The following CASZ1 variants were observed in gnomAD, a reference collection of about 807,000 sequenced individuals.
The protein encoded by CASZ1 is zinc finger protein castor homolog 1.
A neutral mutation model predicts 135.2 loss-of-function variants in CASZ1; 28 were observed. That is an observed-to-expected ratio of 0.21 (90% CI 0.15 to 0.28). The LOEUF is 0.28. Among genes scored for constraint, CASZ1 ranks in the 10% least tolerant of loss-of-function variants. CASZ1 has a pLI of 1.00. For synonymous variants in CASZ1, 1,068 were observed against 1,073.4 expected (o/e 0.99, Z 0.10); for missense variants, 2,161 against 2,453.3 (o/e 0.88, Z 2.52).
chr1:10,733,560 G>A (rs1015708466), intron 2 of CASZ1, among the ~76,000 whole-genome samples: 1 of 152,272 alleles, frequency 6.6e-6, no homozygotes, highest in Middle Eastern at 3.4e-3. Flanking sequence ...TGCTCTCAGA[G>A]GTGAGCAGAG....
At position 10,659,971 on chromosome 1, in the gene CASZ1, G is replaced by A. The variant is rs752911767; in HGVS notation, c.1071C>T (p.Pro357=). The A allele has an allele frequency of 8.1e-6, 13 of 1,613,410 alleles. No homozygotes were observed. In the East Asian group the frequency reaches 1.6e-4, roughly 19 times the overall value. The change falls in exon 6 of 21, where the codon CCC becomes CCT. Residue 357 remains proline, a synonymous_variant. Transcript: ENST00000377022. ...TGAAGGCGATGGCCCCGCCCATGTC[G>A]GGGCTGCCCTCCCCGGGTTTGAAGA... ...LHLFKPGEGS[P]DMGGAIAFKT... is the part of the protein sequence containing the mutation.
At chr1:10,650,446 C>A in intron 13 of CASZ1, 1 of 384,664 alleles carries the variant, frequency 2.6e-6, no homozygotes, top group South Asian at 9.3e-5. Flanking sequence ...CTTTTGGAGC[C>A]CTCCATCTGA....
rs1354375567 is a variant in CASZ1 at position 10,638,168 on chromosome 1, T to C, written c.*774A>G. Reference sequence around the variant, plus strand: ...TTACAGGAAAAATACTGTACAACTTTCTTGTATTTTTTTCCATTTTGAACA... The same window carrying C: ...TTACAGGAAAAATACTGTACAACTTCCTTGTATTTTTTTCCATTTTGAACA... On this transcript the variant is annotated 3_prime_UTR_variant, in exon 21 of 21. Coordinates refer to ENST00000377022, the MANE Select transcript of CASZ1 (RefSeq NM_001079843.3). The surrounding 1 kb of genome is among the most constrained non-coding windows in gnomAD (Gnocchi z 5.9). 6.6e-6 allele frequency: 1 copy of C among 152,452 alleles called. No individual in the cohort carries two copies. Among genetic ancestry groups the C allele is most frequent in the Non-Finnish European group, 1.5e-5 (1 of 68,042 alleles). 9.4% of individuals were successfully genotyped at this position (152,452 alleles called of 1,614,324 possible).
intron 1 of CASZ1, among the ~76,000 whole-genome samples, chr1:10,796,179 G>T (rs535726936): frequency 2.4e-4 from 37 of 151,814 alleles, no homozygotes; most frequent in African/African-American, 8.2e-4. Context: ...CTGTGCTCGC[G>T]CCTGGCACCT....
intron 3 of CASZ1, among the ~76,000 whole-genome samples, chr1:10,696,755 C>A (rs1015631095): frequency 6.6e-6 from 1 of 152,228 alleles, no homozygotes; most frequent in Admixed American, 6.5e-5. Flanking sequence ...TGCTTGCATA[C>A]GTGACCCACA....
rs1197206168 is a variant in CASZ1 at position 10,762,061 on chromosome 1, C to A, written c.-233-1204G>T. Among the ~76,000 whole-genome samples, 1 of 152,214 alleles carries A rather than the reference C, an allele frequency of 6.6e-6. No homozygotes were observed. The highest frequency in any genetic ancestry group is 2.4e-5 in the African/African-American group (1 of 41,460). On this transcript the variant is annotated intron_variant, in intron 1 of 20. Transcript: ENST00000377022. This position sits in a 1 kb window ranked among gnomAD's most constrained non-coding sequence, Gnocchi z 4.1. ...TGCAGGTTCTCCAACTTGGCCCGGC[C>A]CTCAGAGTCCCCGGAGGCCTTGCAG...
intron 9 of CASZ1, 132 bp downstream of exon 9, chr1:10,655,517 G>C: frequency 1.1e-6 from 1 of 880,324 alleles, no homozygotes; most frequent in Admixed American, 2.7e-5. Flanking sequence ...CTGGGCCAGG[G>C]GAAAGAGAGG....
Position 10,638,996 on chromosome 1 carries a change from C to A in CASZ1, c.5226G>T (p.Ala1742=). 3 of 983,670 alleles carry A rather than the reference C, an allele frequency of 3.0e-6. No individual in the cohort carries two copies. The highest frequency in any genetic ancestry group is 3.6e-6 in the Non-Finnish European group (3 of 829,920). 60.9% of individuals were successfully genotyped at this position (983,670 alleles called of 1,614,324 possible). Residue 1742 remains alanine (A), a synonymous_variant, in exon 21 of 21, where the codon GCG becomes GCT. Coordinates refer to ENST00000377022, the MANE Select transcript of CASZ1 (RefSeq NM_001079843.3). The surrounding 1 kb of genome is among the most constrained non-coding windows in gnomAD (Gnocchi z 5.9). ...GAGARTPALA[A]LAALGAPGPA... is the part of the protein sequence containing the mutation. ...GGCCGGGGGCGCCCAGGGCCGCCAGCGCCGCCAAGGCCGGGGTCCGCGCGC... is the reference window on the plus strand; with the variant it reads ...GGCCGGGGGCGCCCAGGGCCGCCAGAGCCGCCAAGGCCGGGGTCCGCGCGC...
At chr1:10,748,641 C>G (rs1640093187) in intron 2 of CASZ1, among the ~76,000 whole-genome samples, 2 of 152,134 alleles carry the variant, frequency 1.3e-5, no homozygotes, top group African/African-American at 2.4e-5. Context: ...AGCTCCCCGA[C>G]CTGACCACTA....
intron 1 of CASZ1, among the ~76,000 whole-genome samples, chr1:10,780,174 T>G (rs1467119648): frequency 6.6e-6 from 1 of 152,222 alleles, no homozygotes; most frequent in African/African-American, 2.4e-5. Flanking sequence ...TTTTTATATC[T>G]GAATATCTCA....
In CASZ1 at chr1:10,670,495, A is replaced by T. The variant is rs1235825709; in HGVS notation, c.17-4924T>A. ...CCGAACTTGCAGCTCACAGGCCACAAGCCCCAGTTTTGGGGTGCTGTGCTG... is the reference window on the plus strand; with the variant it reads ...CCGAACTTGCAGCTCACAGGCCACATGCCCCAGTTTTGGGGTGCTGTGCTG... On this transcript the variant is annotated intron_variant, in intron 4 of 20. Transcript: ENST00000377022. Among the ~76,000 whole-genome samples the T allele has an allele frequency of 2.0e-5, 3 of 152,226 alleles. No homozygotes were observed. In the East Asian group the frequency reaches 5.8e-4, roughly 29 times the overall value.
intron 14 of CASZ1, 27 bp downstream of exon 14, chr1:10,649,256 G>A (rs1238151316): frequency 1.2e-6 from 2 of 1,604,300 alleles, no homozygotes; most frequent in African/African-American, 1.3e-5. Flanking sequence ...GGGGGACGAT[G>A]GGTGGACGCG....
At chr1:10,668,632 G>C (rs1643310592) in intron 4 of CASZ1, among the ~76,000 whole-genome samples, 1 of 152,270 alleles carries the variant, frequency 6.6e-6, no homozygotes, top group Admixed American at 6.5e-5. Context: ...TCCAGCCTCT[G>C]GCCCCACGGG....
intron 4 of CASZ1, among the ~76,000 whole-genome samples, chr1:10,670,154 TG>T (rs1451375786): frequency 6.6e-6 from 1 of 152,178 alleles, no homozygotes; most frequent in Non-Finnish European, 1.5e-5. Flanking sequence ...GTAGCTGCCC[TG>T]GGCCATGGTG....
chr1:10,678,188 C>A lies in CASZ1; in HGVS notation c.17-12617G>T, dbSNP rs1638295158. Among the ~76,000 whole-genome samples, 4 of 152,184 alleles carry A rather than the reference C, an allele frequency of 2.6e-5. No homozygotes were observed. The South Asian group carries it at 8.3e-4, about 32-fold the overall frequency. ...TGGCAGAGGAACACGGGGTGGCACACCACCCGCCCTCCCTGCAGCCCGTCT... is the reference window on the plus strand; with the variant it reads ...TGGCAGAGGAACACGGGGTGGCACAACACCCGCCCTCCCTGCAGCCCGTCT... On this transcript the variant is annotated intron_variant, in intron 4 of 20. Transcript: ENST00000377022.
chr1:10,697,601 AC>A lies in CASZ1; in HGVS notation c.-23-3690del, dbSNP rs1188033407. On this transcript the variant is annotated intron_variant, in intron 3 of 20. Transcript: ENST00000377022. This position sits in a 1 kb window ranked among gnomAD's most constrained non-coding sequence, Gnocchi z 4.7. ...CGCTGGTTCCTGTTACCCCCCCCGC[AC>A]CCCCAAGTTGCCCACCTACACTCTC... Among the ~76,000 whole-genome samples, 2 of 144,112 alleles carry A rather than the reference AC, an allele frequency of 1.4e-5. No homozygotes were observed. Among genetic ancestry groups the A allele is most frequent in the Non-Finnish European group, 3.0e-5 (2 of 65,976 alleles). 94.5% of individuals were successfully genotyped at this position (144,112 alleles called of 152,430 possible).
rs199616232 is a variant in CASZ1 at position 10,649,128 on chromosome 1, C to T, written c.3100G>A (p.Val1034Met). 2.4e-5 allele frequency: 39 copies of T among 1,613,746 alleles called. No individual in the cohort carries two copies. In the Middle Eastern group the frequency reaches 5.0e-4, roughly 20 times the overall value. The change falls in exon 15 of 21, where the codon GTG becomes ATG. Residue 1034 changes from valine to methionine, a missense_variant. Physicochemically the swap from Val to Met is conservative, Grantham distance 21. Transcript: ENST00000377022. ...DFLHKAHFHC[V>M]VEECGALFST... is the part of the protein sequence containing the mutation. ...AAGAGCGCGCCGCATTCCTCCACCA[C>T]GCAGTGGAAGTGGGCCTTGTGGAGG...
intron 4 of CASZ1, among the ~76,000 whole-genome samples, chr1:10,669,655 T>A (rs1458288437): frequency 1.3e-5 from 2 of 152,140 alleles, no homozygotes; most frequent in African/African-American, 4.8e-5. Flanking sequence ...GCTCACCTGG[T>A]CAGGGCCAGG....
chr1:10,744,041 G>C (rs1319112715), intron 2 of CASZ1, among the ~76,000 whole-genome samples: 1 of 152,028 alleles, frequency 6.6e-6, no homozygotes, highest in African/African-American at 2.4e-5. Flanking sequence ...CACCTAATCA[G>C]TCCTTGGAAA....
Sources: allele counts gnomAD v4.1 joint callset (sites outside exome capture counted in the v4.1 genomes callset), GRCh38; gene constraint gnomAD v4.1.1; non-coding constraint Gnocchi (gnomAD v3.1); transcripts MANE v1.5; gene names NCBI Gene and HGNC (gene_info 2026-07-23, HGNC 2026-07-21).